Variants in SNX29 observed in about 807,000 individuals in gnomAD.
The protein encoded by SNX29 is sorting nexin 29.
Under a neutral mutation model 102.1 loss-of-function variants are expected in SNX29, and 78 were observed. The ratio of observed to expected loss-of-function variants is 0.76; its 90% CI spans 0.64 to 0.92. The LOEUF (loss-of-function observed/expected upper bound fraction) is 0.92, where lower values mean the gene tolerates loss of function less well. SNX29 is among the 40% of genes least tolerant of loss of function. The pLI, the probability that SNX29 is intolerant of heterozygous loss-of-function variation, is 0.00. For synonymous variants in SNX29, 580 were observed against 414.5 expected (o/e 1.40, Z -4.85); for missense variants, 1,280 against 1,061.7 (o/e 1.21, Z -2.86).
intron 14 of SNX29, among the ~76,000 whole-genome samples, chr16:12,242,684 T>C (rs113341645): frequency 0.038 from 5,734 of 150,840 alleles, 399 homozygotes; most frequent in African/African-American, 0.13. Flanking sequence ...GGCAGGGTCT[T>C]ACTGTGTCAC....
At chr16:12,212,609 T>C (rs770745648) in intron 14 of SNX29, among the ~76,000 whole-genome samples, 13 of 152,222 alleles carry the variant, frequency 8.5e-5, no homozygotes, top group African/African-American at 2.7e-4. Context: ...ATATATTTTA[T>C]ATATGTTTGT....
intron 14 of SNX29, among the ~76,000 whole-genome samples, chr16:12,203,773 G>T (rs1184182516): frequency 3.3e-5 from 5 of 152,212 alleles, no homozygotes; most frequent in Admixed American, 2.0e-4. Context: ...GTGAGAGCTT[G>T]CTCTGTGTAC....
intron 20 of SNX29, among the ~76,000 whole-genome samples, chr16:12,534,816 C>A (rs1017916927): frequency 1.3e-5 from 2 of 152,152 alleles, no homozygotes; most frequent in Non-Finnish European, 2.9e-5. Flanking sequence ...CTCCCCAGTT[C>A]CAGGCACAGC....
intron 4 of SNX29, chr16:12,038,808 A>G (rs1027225324): frequency 1.3e-5 from 2 of 152,222 alleles, no homozygotes; most frequent in East Asian, 3.9e-4. Flanking sequence ...CTTGACTGGA[A>G]ATGTGATGGA....
intron 13 of SNX29, among the ~76,000 whole-genome samples, chr16:12,143,099 G>T (rs945951747): frequency 1.1e-4 from 17 of 151,920 alleles, no homozygotes; most frequent in African/African-American, 4.1e-4. Context: ...CTGGGTGCAA[G>T]CGATTCTCCT....
intron 18 of SNX29, among the ~76,000 whole-genome samples, chr16:12,428,023 T>C (rs1362897344): frequency 1.3e-5 from 2 of 152,260 alleles, no homozygotes; most frequent in Admixed American, 6.5e-5. Context: ...CAGAGAAAGA[T>C]AATTTGTTGG....
chr16:12,559,456 A>G (rs991684686), intron 20 of SNX29, among the ~76,000 whole-genome samples: 1 of 151,748 alleles, frequency 6.6e-6, no homozygotes, highest in Admixed American at 6.6e-5. Flanking sequence ...ATTCTACATT[A>G]TGGTGAGTTG....
chr16:12,518,198 C>G (rs1234265039), intron 19 of SNX29, among the ~76,000 whole-genome samples: 2 of 152,122 alleles, frequency 1.3e-5, no homozygotes, highest in Admixed American at 1.3e-4. Context: ...CTTCCTACAC[C>G]CTACTGTCCC....
At chr16:12,068,388 T>C (rs1326944721) in intron 9 of SNX29, among the ~76,000 whole-genome samples, 2 of 148,134 alleles carry the variant, frequency 1.4e-5, no homozygotes, top group South Asian at 2.1e-4. Flanking sequence ...CTTGAGAGGC[T>C]GAGGTGGGAG....
chr16:12,545,261 T>G (rs936607796), intron 20 of SNX29, among the ~76,000 whole-genome samples: 2 of 151,982 alleles, frequency 1.3e-5, no homozygotes, highest in African/African-American at 4.8e-5. Flanking sequence ...CTCCAAAGAG[T>G]ACTGTTGAGA....
intron 20 of SNX29, among the ~76,000 whole-genome samples, chr16:12,558,900 C>T (rs1200883265): frequency 2.6e-5 from 4 of 152,172 alleles, no homozygotes; most frequent in Non-Finnish European, 4.4e-5. Context: ...TGCTTCAGGG[C>T]CTGAAAGCAT....
intron 14 of SNX29, among the ~76,000 whole-genome samples, chr16:12,257,677 C>T (rs917973902): frequency 9.1e-5 from 13 of 143,238 alleles, no homozygotes; most frequent in East Asian, 4.2e-4. Flanking sequence ...CCACCATGCC[C>T]GGCTTATTTA....
chr16:12,527,129 C>A (rs1597746700), intron 20 of SNX29: 2 of 495,266 alleles, frequency 4.0e-6, no homozygotes, highest in Non-Finnish European at 7.9e-6. Context: ...CCTCACTGTT[C>A]CAAATCCCAC....
intron 11 of SNX29, among the ~76,000 whole-genome samples, chr16:12,123,484 A>G (rs1419371074): frequency 1.2e-4 from 19 of 152,180 alleles, no homozygotes; most frequent in Admixed American, 1.2e-3. Context: ...TATACATCAT[A>G]TACATATATA....
At chr16:12,220,999 TAC>T (rs2077461151) in intron 14 of SNX29, among the ~76,000 whole-genome samples, 1 of 152,220 alleles carries the variant, frequency 6.6e-6, no homozygotes, top group African/African-American at 2.4e-5. Flanking sequence ...ACGTCTTTAT[TAC>T]AGTCTGCCTC....
At chr16:12,141,232 C>A (rs1050778715) in intron 13 of SNX29, among the ~76,000 whole-genome samples, 4 of 152,162 alleles carry the variant, frequency 2.6e-5, no homozygotes, top group Non-Finnish European at 5.9e-5. Context: ...GTAAGGTTTC[C>A]GCCTACATGA....
At chr16:12,046,228 C>G (rs548148819) in intron 5 of SNX29, among the ~76,000 whole-genome samples, 156 bp from the exon 6 acceptor site, 2 of 152,192 alleles carry the variant, frequency 1.3e-5, no homozygotes, top group African/African-American at 4.8e-5. Flanking sequence ...TGTTTGTAAC[C>G]AGAAGCTGTA....
At chr16:12,163,933 G>C (rs2055901728) in intron 13 of SNX29, among the ~76,000 whole-genome samples, 1 of 152,138 alleles carries the variant, frequency 6.6e-6, no homozygotes, top group African/African-American at 2.4e-5. Flanking sequence ...GAACTGAGAT[G>C]TTAACAAGTA....
At chr16:12,431,240 GGGGGA>G (rs944292225) in intron 18 of SNX29, among the ~76,000 whole-genome samples, 9 of 152,110 alleles carry the variant, frequency 5.9e-5, no homozygotes. Flanking sequence ...TCTGGGCAAA[GGGGGA>G]AGAGGGGAAG....
Sources: allele counts gnomAD v4.1 joint callset (sites outside exome capture counted in the v4.1 genomes callset), GRCh38; gene constraint gnomAD v4.1.1; transcripts MANE v1.5; gene names NCBI Gene and HGNC (gene_info 2026-07-23, HGNC 2026-07-21).